Variants in LAMA5 observed in about 807,000 individuals in gnomAD.
LAMA5 encodes laminin subunit alpha-5.
Under a neutral mutation model 433.4 loss-of-function variants are expected in LAMA5, and 260 were observed. That is an observed-to-expected ratio of 0.60 (90% CI 0.54 to 0.66). The LOEUF (loss-of-function observed/expected upper bound fraction) is 0.66, where lower values mean the gene tolerates loss of function less well. LAMA5 is among the 30% of genes least tolerant of loss of function. The probability of loss-of-function intolerance (pLI) is 0.00; values close to 1 mark genes in which losing one functional copy is unlikely to be tolerated. For missense variants in LAMA5, 5,378 were observed against 5,258.5 expected (o/e 1.02, Z -0.70); for synonymous variants, 2,620 against 2,226.6 (o/e 1.18, Z -4.97).
At position 62,313,728 on chromosome 20, in the gene LAMA5, GCCA is replaced by G. The variant is rs745640692; in HGVS notation, c.8576_8578del (p.Val2859del). The G allele has an allele frequency of 6.2e-7, 1 of 1,612,818 alleles. No homozygotes were observed. Among genetic ancestry groups the G allele is most frequent in the Admixed American group, 1.7e-5 (1 of 60,004 alleles). ...GTTGAGCAGCCCCTCTGCCCCAGGG[GCCA>G]CCGTGTCACCCTTGGTTTCCTGGAT... On this transcript the variant is annotated inframe_deletion, in exon 63 of 80. Transcript: ENST00000252999.
chr20:62,313,133 C>CAG lies in LAMA5; in HGVS notation c.8908_8909dup (p.Arg2971CysfsTer13). On this transcript the variant is annotated frameshift_variant, in exon 65 of 80. Transcript: ENST00000252999. LOFTEE classifies it high-confidence loss of function. ...GCACCCCGCTGTAGGACACGAGCCG[C>CAG]AGCTCCTGCTCGAAGCGCTTGGTGG... 6.2e-7 allele frequency: 1 copy of CAG among 1,608,744 alleles called. No individual in the cohort carries two copies.
intron 46 of LAMA5, 37 bp downstream of exon 46, chr20:62,322,621 C>T: frequency 1.8e-6 from 2 of 1,101,226 alleles, no homozygotes; most frequent in Non-Finnish European, 1.3e-6. Flanking sequence ...AGTCCCTAGG[C>T]CCCACCCACC....
chr20:62,351,830 G>A, intron 5 of LAMA5, 29 bp from the exon 6 acceptor site: 3 of 1,587,710 alleles, frequency 1.9e-6, no homozygotes, highest in South Asian at 1.1e-5. Flanking sequence ...TGAGCACCAG[G>A]CGGCCAGGCC....
rs556875225 is a variant in LAMA5, at chr20:62,318,451, C to T, written c.7239+3G>A. On this transcript the variant is annotated splice_donor_region_variant and intron_variant, in intron 53 of 79. Transcript: ENST00000252999. ...GGAGGAAGAACAAGTCCGGGGTCCT[C>T]ACCAGGGCTTCCTCCAGGCGCTCCT... is the stretch of plus-strand genomic sequence containing the variant. 2.2e-5 allele frequency: 35 copies of T among 1,576,172 alleles called. No homozygotes were observed. The highest frequency in any genetic ancestry group is 6.7e-5 in the South Asian group (6 of 89,936).
At chr20:62,315,916 G>T (rs772819032) in intron 58 of LAMA5, 32 bp downstream of exon 58, 2 of 1,498,190 alleles carry the variant, frequency 1.3e-6, no homozygotes, top group Non-Finnish European at 1.8e-6. Flanking sequence ...ATGGTCGGCC[G>T]GCTGCGAGAG....
In LAMA5 at chr20:62,332,625, G is replaced by A. The variant is rs367865462; in HGVS notation, c.3375C>T (p.Gly1125=). ...CCCGCTGTGGGGTGTGCACGGCCAC[G>A]CCCACCTCCTGGCGGGCATCCTCAT... ...YANEDARQEV[G]VAVHTPQRAP... is the part of the protein sequence containing the mutation. Residue 1125 remains glycine (G), a synonymous_variant, in exon 27 of 80, where the codon GGC becomes GGT. Transcript: ENST00000252999. 110 of 1,605,826 alleles carry A rather than the reference G, an allele frequency of 6.9e-5. No individual in the cohort carries two copies. Among genetic ancestry groups the A allele is most frequent in the Non-Finnish European group, 8.9e-5 (105 of 1,176,636 alleles).
At chr20:62,333,836 A>AGGGGG (rs1555879182) in intron 23 of LAMA5, 65 bp downstream of exon 23, 5 of 1,176,972 alleles carry the variant, frequency 4.2e-6, no homozygotes, top group East Asian at 2.7e-5. Context: ...GGGGCTTGGG[A>AGGGGG]GTGGGGTGGG....
Position 62,311,945 on chromosome 20 carries a change from C to T in LAMA5, c.9610G>A (p.Val3204Ile), listed in dbSNP as rs1452046840. The part of the protein sequence containing the change: ...AGFADGAPHY[V>I]AFYSNATGVW... ...CCCGTGGCATTGCTGTAGAAGGCGA[C>T]GTAATGGGGGGCACCATCGGCGAAG... Residue 3204 changes from valine (V) to isoleucine (I), a missense_variant, in exon 70 of 80, where the codon GTC becomes ATC. Coordinates refer to ENST00000252999, the MANE Select transcript of LAMA5 (RefSeq NM_005560.6). 10 of 1,612,154 alleles carry T rather than the reference C, an allele frequency of 6.2e-6. No homozygotes were observed. The highest frequency in any genetic ancestry group is 2.2e-5 in the South Asian group (2 of 91,058).
chr20:62,334,106 G>T, intron 22 of LAMA5, 67 bp from the exon 23 acceptor site: 4 of 1,587,318 alleles, frequency 2.5e-6, no homozygotes, highest in Non-Finnish European at 3.4e-6. Flanking sequence ...GGGCCTTCAA[G>T]GGGCCTGCCC....
At chr20:62,356,231 T>G (rs1424725581) in intron 2 of LAMA5, 1 of 152,370 alleles carries the variant, frequency 6.6e-6, no homozygotes, top group Non-Finnish European at 1.5e-5. Flanking sequence ...GCCTGGTGGC[T>G]GCACAGATGG....
At chr20:62,316,842 G>A (rs952982979) in intron 56 of LAMA5, 40 bp downstream of exon 56, 1 of 1,540,322 alleles carries the variant, frequency 6.5e-7, no homozygotes, top group African/African-American at 1.4e-5. Flanking sequence ...AGGCAGTGGG[G>A]GCGCTCCTGC....
At chr20:62,322,539 C>A (rs180992126) in intron 46 of LAMA5, 90 bp from the exon 47 acceptor site, 2 of 1,445,548 alleles carry the variant, frequency 1.4e-6, no homozygotes, top group Admixed American at 4.4e-5. Context: ...TCTGGCCCCA[C>A]CCCCTGAGGC....
rs1408912718 is a variant in LAMA5, at chr20:62,332,722, A to C, written c.3283-5T>G. The C allele has an allele frequency of 6.2e-7, 1 of 1,609,526 alleles. No homozygotes were observed. Among genetic ancestry groups the C allele is most frequent in the Non-Finnish European group, 8.5e-7 (1 of 1,178,740 alleles). On this transcript the variant is annotated splice_polypyrimidine_tract_variant and splice_region_variant and intron_variant, in intron 26 of 79. Transcript: ENST00000252999. Reference sequence around the variant, plus strand: ...CACTTGAAGCTGGACGTCCACCTGCAGGGAAGGCAGGGTGACGGGAGGCCC... The same window carrying C: ...CACTTGAAGCTGGACGTCCACCTGCCGGGAAGGCAGGGTGACGGGAGGCCC...
chr20:62,311,273 GGATGCC>G lies in LAMA5; in HGVS notation c.9971_9976del (p.Arg3324_His3325del). On this transcript the variant is annotated inframe_deletion, in exon 73 of 80. Transcript: ENST00000252999. Reference sequence around the variant, plus strand: ...GAGGTGTGGGGGCAGCATGCAGGCAGGATGCCGGGCGGGCTGACGGCTGCGGCGGGA... The same window carrying G: ...GAGGTGTGGGGGCAGCATGCAGGCAGGGGCGGGCTGACGGCTGCGGCGGGA... 1.2e-6 allele frequency: 2 copies of G among 1,600,834 alleles called. No individual in the cohort carries two copies. The highest frequency in any genetic ancestry group is 1.7e-6 in the Non-Finnish European group (2 of 1,175,396).
At chr20:62,340,408 T>G (rs1982420812) in intron 11 of LAMA5, among the ~76,000 whole-genome samples, 2 of 143,052 alleles carry the variant, frequency 1.4e-5, no homozygotes, top group Non-Finnish European at 3.0e-5. Flanking sequence ...ACCTCCCGGG[T>G]TCGAGCCATT....
intron 57 of LAMA5, 109 bp from the exon 58 acceptor site, chr20:62,316,167 C>G (rs557768666): frequency 1.7e-4 from 124 of 722,722 alleles, no homozygotes; most frequent in Non-Finnish European, 1.1e-4. Flanking sequence ...ACACAGCAGA[C>G]AGATGGACAG....
intron 11 of LAMA5, among the ~76,000 whole-genome samples, chr20:62,342,909 A>T (rs896983511): frequency 2.6e-5 from 4 of 152,262 alleles, no homozygotes; most frequent in African/African-American, 9.6e-5. Flanking sequence ...TGTCCCCATT[A>T]GGAAAGACAA....
chr20:62,331,203 G>C (rs1980348934), intron 28 of LAMA5, 74 bp from the exon 29 acceptor site: 2 of 435,556 alleles, frequency 4.6e-6, no homozygotes, highest in Admixed American at 1.0e-4. Flanking sequence ...GTACGATGGG[G>C]GGGTGCAGGC....
In LAMA5 at chr20:62,310,327, G is replaced by A. The variant is rs1404294747; in HGVS notation, c.10601-16C>T. 6.3e-7 allele frequency: 1 copy of A among 1,588,818 alleles called. No homozygotes were observed. Among genetic ancestry groups the A allele is most frequent in the Non-Finnish European group, 8.6e-7 (1 of 1,166,336 alleles). ...CCTGGGAGGTCTGCGGGGAGGGGTTGTGATGGAGAAGAAAGGGGGGGCCCC... is the reference window on the plus strand; with the variant it reads ...CCTGGGAGGTCTGCGGGGAGGGGTTATGATGGAGAAGAAAGGGGGGGCCCC... On this transcript the variant is annotated splice_polypyrimidine_tract_variant and intron_variant, in intron 76 of 79. Coordinates refer to ENST00000252999, the MANE Select transcript of LAMA5 (RefSeq NM_005560.6).
Sources: gnomAD v4.1 joint callset for allele counts (sites outside exome capture counted in the v4.1 genomes callset) on GRCh38, gnomAD v4.1.1 for gene constraint, MANE v1.5 for transcripts, NCBI Gene and HGNC (gene_info 2026-07-23, HGNC 2026-07-21) for gene names.